Variants in RANBP2 observed in about 807,000 individuals in gnomAD.
The protein encoded by RANBP2 is E3 SUMO-protein ligase RanBP2.
In RANBP2, 57 loss-of-function variants were observed where a neutral mutation model predicts 303.6. That is an observed-to-expected ratio of 0.19 (90% CI 0.15 to 0.23). The LOEUF (loss-of-function observed/expected upper bound fraction) is 0.23. Among genes scored for constraint, RANBP2 ranks in the 10% least tolerant of loss-of-function variants. The pLI is 1.00. For missense variants in RANBP2, 3,138 were observed against 3,780.8 expected (o/e 0.83, Z 4.46); for synonymous variants, 1,167 against 1,301.5 (o/e 0.90, Z 2.23).
chr2:108,966,182 C>T, the RANBP2 span, among the ~76,000 whole-genome samples: 1 of 152,320 alleles, frequency 6.6e-6, no homozygotes, highest in East Asian at 1.9e-4. Flanking sequence ...TTTATTGCCC[C>T]TGTCATCTTA....
At chr2:109,377,838 C>T in the RANBP2 span, among the ~76,000 whole-genome samples, 3 of 152,178 alleles carry the variant, frequency 2.0e-5, no homozygotes, top group African/African-American at 7.2e-5. Flanking sequence ...TTATCTTTTA[C>T]AAAGAGAGGC....
the RANBP2 span, among the ~76,000 whole-genome samples, chr2:109,101,168 G>A: frequency 2.0e-5 from 3 of 152,242 alleles, no homozygotes; most frequent in Middle Eastern, 3.4e-3. Flanking sequence ...CATACTAGGC[G>A]CTCTCTTGTA....
chr2:108,859,462 A>T, the RANBP2 span, among the ~76,000 whole-genome samples: 1 of 152,102 alleles, frequency 6.6e-6, no homozygotes, highest in Non-Finnish European at 1.5e-5. Context: ...GTTTGTCATA[A>T]ATTTTTTGCC....
chr2:109,628,917 A>C, the RANBP2 span, among the ~76,000 whole-genome samples: 3 of 152,012 alleles, frequency 2.0e-5, no homozygotes, highest in African/African-American at 7.2e-5. Context: ...TAAAATGTCT[A>C]ACTAGGCTGG....
the RANBP2 span, among the ~76,000 whole-genome samples, chr2:109,241,121 G>A: frequency 2.6e-5 from 4 of 152,320 alleles, no homozygotes; most frequent in East Asian, 7.7e-4. Context: ...TGTCTAGTAA[G>A]TTAATACAAA....
rs778273349 is a variant in RANBP2, at chr2:108,768,356, C to G, written c.7817C>G (p.Ser2606Ter). 4.3e-6 allele frequency: 7 copies of G among 1,611,820 alleles called. No homozygotes were observed. The highest frequency in any genetic ancestry group is 5.1e-6 in the Non-Finnish European group (6 of 1,179,850). ...GCTTCCTTTCCAACGGAAGAATCTT[C>G]AATCAACTACACATTTAAAACACCA... ...LFASFPTEESSINYTFKTPEK... is the reference protein window; with the variant it reads ...LFASFPTEES The change falls in exon 20 of 29, where the codon TCA (serine) becomes TGA (stop). Residue 2606 changes from serine to a stop codon, truncating the protein, a stop_gained. Coordinates refer to ENST00000283195, the MANE Select transcript of RANBP2 (RefSeq NM_006267.5). LOFTEE classifies it high-confidence loss of function.
the RANBP2 span, among the ~76,000 whole-genome samples, chr2:109,249,508 TCA>T: frequency 9.1e-4 from 49 of 53,562 alleles, no homozygotes; most frequent in Middle Eastern, 8.6e-3. Context: ...TTTCTTTCTT[TCA>T]TTCTTTCTTT....
chr2:109,275,652 A>G, the RANBP2 span, among the ~76,000 whole-genome samples: 3 of 152,130 alleles, frequency 2.0e-5, no homozygotes, highest in African/African-American at 7.2e-5. Context: ...AAGTTCAAGG[A>G]TTAGCTGAGG....
the RANBP2 span, among the ~76,000 whole-genome samples, chr2:108,856,114 T>C: frequency 1.3e-5 from 2 of 152,194 alleles, no homozygotes; most frequent in East Asian, 1.9e-4. Context: ...ATGATTCTGC[T>C]TAAATTAGTG....
chr2:109,249,581 TTCCTTTC>T, the RANBP2 span, among the ~76,000 whole-genome samples: 29 of 112,620 alleles, frequency 2.6e-4, no homozygotes, highest in Non-Finnish European at 4.6e-4. Context: ...CCTTCCTTCC[TTCCTTTC>T]CTTTCTTTCT....
chr2:109,413,478 C>T, the RANBP2 span, among the ~76,000 whole-genome samples: 1 of 152,256 alleles, frequency 6.6e-6, no homozygotes, highest in Admixed American at 6.5e-5. Context: ...TTTTTTCCTG[C>T]CCTGTCTCTG....
At chr2:109,452,033 A>G in the RANBP2 span, among the ~76,000 whole-genome samples, 1 of 152,216 alleles carries the variant, frequency 6.6e-6, no homozygotes, top group Non-Finnish European at 1.5e-5. Flanking sequence ...CCTCTCATAA[A>G]CAACAAAGAC....
the RANBP2 span, among the ~76,000 whole-genome samples, chr2:109,557,189 AATT>A: frequency 6.6e-6 from 1 of 152,152 alleles, no homozygotes; most frequent in Non-Finnish European, 1.5e-5. Flanking sequence ...ATTTAAAAAA[AATT>A]ATAAAAAAAA....
At chr2:109,233,187 T>G in the RANBP2 span, among the ~76,000 whole-genome samples, 3 of 152,198 alleles carry the variant, frequency 2.0e-5, no homozygotes, top group Non-Finnish European at 2.9e-5. Context: ...GGGTGACAGC[T>G]TCTTACACCT....
chr2:108,953,011 A>T, the RANBP2 span, among the ~76,000 whole-genome samples: 1 of 152,228 alleles, frequency 6.6e-6, no homozygotes, highest in Non-Finnish European at 1.5e-5. Flanking sequence ...TTTTGTGTGT[A>T]TGTAGTAGGT....
chr2:109,562,358 C>T, the RANBP2 span, among the ~76,000 whole-genome samples: 1 of 151,956 alleles, frequency 6.6e-6, no homozygotes, highest in Non-Finnish European at 1.5e-5. Flanking sequence ...CTTGGTCTCC[C>T]CACTTCCACC....
At chr2:108,985,184 T>C in the RANBP2 span, among the ~76,000 whole-genome samples, 2 of 152,344 alleles carry the variant, frequency 1.3e-5, no homozygotes, top group African/African-American at 4.8e-5. Flanking sequence ...TAGTTGCCTA[T>C]ATCTAGCTAT....
the RANBP2 span, among the ~76,000 whole-genome samples, chr2:108,938,673 A>G: frequency 2.0e-5 from 3 of 152,142 alleles, no homozygotes; most frequent in Non-Finnish European, 4.4e-5. Context: ...AAAAATCCCT[A>G]CTTTTTTGCC....
At chr2:109,397,577 C>A in the RANBP2 span, among the ~76,000 whole-genome samples, 5 of 152,298 alleles carry the variant, frequency 3.3e-5, no homozygotes, top group East Asian at 9.7e-4. Context: ...AAACTTCCTC[C>A]AGGTATAGGA....
Sources: gnomAD v4.1 joint callset for allele counts (sites outside exome capture counted in the v4.1 genomes callset) on GRCh38, gnomAD v4.1.1 for gene constraint, MANE v1.5 for transcripts, NCBI Gene and HGNC (gene_info 2026-07-23, HGNC 2026-07-21) for gene names.